CSMD1: variants seen among roughly 807,000 people sequenced by gnomAD.
CSMD1 encodes CUB and Sushi multiple domains 1, also known as CUB and sushi domain-containing protein 1.
A neutral mutation model predicts 417.5 loss-of-function variants in CSMD1; 213 were observed. The observed-to-expected ratio is 0.51, with a 90% CI of 0.46 to 0.57. The LOEUF is 0.57. Among genes scored for constraint, CSMD1 ranks in the 20% least tolerant of loss-of-function variants. CSMD1 has a pLI of 0.00. For synonymous variants in CSMD1, 2,862 were observed against 1,736.8 expected (o/e 1.65, Z -16.11); for missense variants, 6,923 against 4,529.7 (o/e 1.53, Z -15.17).
At chr8:4,480,201 C>CAAA (rs201805203) in intron 2 of CSMD1, among the ~76,000 whole-genome samples, 4 of 134,604 alleles carry the variant, frequency 3.0e-5, no homozygotes, top group African/African-American at 1.2e-4. Context: ...AAAAAAAAAA[C>CAAA]AAAAAAAAAC....
intron 8 of CSMD1, among the ~76,000 whole-genome samples, chr8:3,593,068 T>C (rs576799938): frequency 6.6e-6 from 1 of 152,152 alleles, no homozygotes; most frequent in East Asian, 1.9e-4. Flanking sequence ...TCCTGCCCAG[T>C]GAGAAGGAAT....
chr8:3,457,579 A>G (rs1816235756), intron 12 of CSMD1, among the ~76,000 whole-genome samples: 1 of 152,248 alleles, frequency 6.6e-6, no homozygotes, highest in Non-Finnish European at 1.5e-5. Context: ...TTTAAAAAAC[A>G]CAGGATGAAT....
chr8:3,967,010 G>T (rs778791369), intron 5 of CSMD1, among the ~76,000 whole-genome samples: 1 of 152,044 alleles, frequency 6.6e-6, no homozygotes, highest in Non-Finnish European at 1.5e-5. Context: ...AGTGTCAATT[G>T]GTGAAATAAT....
chr8:3,334,216 T>C (rs1807094105), intron 23 of CSMD1, among the ~76,000 whole-genome samples: 2 of 152,196 alleles, frequency 1.3e-5, no homozygotes, highest in Admixed American at 1.3e-4. Context: ...TCTCTCTTGA[T>C]CAACGCATAA....
chr8:3,313,223 T>G (rs573455126), intron 23 of CSMD1, among the ~76,000 whole-genome samples: 164 of 152,186 alleles, frequency 1.1e-3, no homozygotes, highest in Admixed American at 1.8e-3. Flanking sequence ...AGACTTCATG[T>G]CTAAAACACC....
intron 3 of CSMD1, among the ~76,000 whole-genome samples, chr8:4,051,879 TCTTCCTTCCTTCCTTC>T (rs71205410): frequency 9.7e-5 from 6 of 61,944 alleles, no homozygotes; most frequent in Admixed American, 2.5e-4. Context: ...CTTCCTCCTT[TCTTCCTTCCTTCCTTC>T]CTTCCTTCCT....
intron 33 of CSMD1, among the ~76,000 whole-genome samples, chr8:3,195,392 G>A (rs898504): frequency 0.66 from 100,080 of 152,040 alleles, 34,243 homozygotes; most frequent in Non-Finnish European, 0.76. Flanking sequence ...GTTGAAAGAC[G>A]TGAATTACAG....
intron 46 of CSMD1, among the ~76,000 whole-genome samples, chr8:3,104,328 G>T (rs1815971876): frequency 6.6e-6 from 1 of 152,144 alleles, no homozygotes; most frequent in Non-Finnish European, 1.5e-5. Context: ...CTTCTAAGAA[G>T]ACAGTGACTT....
chr8:4,236,837 G>C (rs1262636803), intron 3 of CSMD1, among the ~76,000 whole-genome samples: 2 of 152,146 alleles, frequency 1.3e-5, no homozygotes, highest in Non-Finnish European at 2.9e-5. Context: ...AAATATAGAA[G>C]TCACTGAACA....
At chr8:4,004,379 G>A (rs1290412422) in intron 4 of CSMD1, among the ~76,000 whole-genome samples, 2 of 150,782 alleles carry the variant, frequency 1.3e-5, no homozygotes, top group Admixed American at 6.6e-5. Context: ...ACATATTAGA[G>A]ATGCTGTTGT....
At chr8:4,813,968 T>C (rs572661387) in intron 1 of CSMD1, among the ~76,000 whole-genome samples, 79 of 152,366 alleles carry the variant, frequency 5.2e-4, no homozygotes, top group African/African-American at 1.8e-3. Flanking sequence ...TAATCAGTGA[T>C]TCATAATTAA....
At chr8:4,459,908 TAAAC>T (rs1213890018) in intron 2 of CSMD1, among the ~76,000 whole-genome samples, 2 of 152,016 alleles carry the variant, frequency 1.3e-5, no homozygotes, top group Admixed American at 6.6e-5. Context: ...GCATGCCAAA[TAAAC>T]AATCAAACAA....
intron 3 of CSMD1, among the ~76,000 whole-genome samples, chr8:4,391,980 C>A (rs1334266214): frequency 6.6e-6 from 1 of 152,126 alleles, no homozygotes; most frequent in Non-Finnish European, 1.5e-5. Flanking sequence ...AAAAGAGAGA[C>A]CTAGTCAACA....
At chr8:3,534,434 G>A (rs57507940) in intron 10 of CSMD1, among the ~76,000 whole-genome samples, 14,604 of 150,586 alleles carry the variant, frequency 0.097, 915 homozygotes, top group South Asian at 0.17. Context: ...TTTGGGCAAA[G>A]TGCCTATCAG....
chr8:4,363,582 C>G (rs1165748895), intron 3 of CSMD1, among the ~76,000 whole-genome samples: 1 of 152,180 alleles, frequency 6.6e-6, no homozygotes, highest in Non-Finnish European at 1.5e-5. Flanking sequence ...CGCCATCTGC[C>G]TGGAGGACCC....
chr8:4,335,568 A>G (rs1243148805), intron 3 of CSMD1, among the ~76,000 whole-genome samples: 1 of 152,114 alleles, frequency 6.6e-6, no homozygotes, highest in Non-Finnish European at 1.5e-5. Flanking sequence ...ACCTGTCACT[A>G]TCAGTCTTAG....
chr8:4,411,050 G>A (rs761385058), intron 3 of CSMD1, among the ~76,000 whole-genome samples: 2 of 152,028 alleles, frequency 1.3e-5, no homozygotes, highest in Non-Finnish European at 1.5e-5. Flanking sequence ...TCCACCATGT[G>A]ATACCACTCC....
chr8:4,494,345 G>A (rs933121855), intron 2 of CSMD1, among the ~76,000 whole-genome samples: 1 of 152,114 alleles, frequency 6.6e-6, no homozygotes, highest in African/African-American at 2.4e-5. Context: ...AATTGCAATT[G>A]CTCAGTGACA....
At chr8:3,366,983 T>C (rs1279080477) in intron 20 of CSMD1, 49 bp downstream of exon 20, 9 of 1,366,936 alleles carry the variant, frequency 6.6e-6, no homozygotes, top group Admixed American at 1.8e-5. Context: ...CTAACAGAAA[T>C]GGCAGTATTG....
Sources: allele counts gnomAD v4.1 joint callset (sites outside exome capture counted in the v4.1 genomes callset), GRCh38; gene constraint gnomAD v4.1.1; transcripts MANE v1.5; gene names NCBI Gene and HGNC (gene_info 2026-07-23, HGNC 2026-07-21).